The following WDR25 variants were observed in gnomAD, a reference collection of about 807,000 sequenced individuals.
The protein encoded by WDR25 is WD repeat-containing protein 25.
Under a neutral mutation model 47.7 loss-of-function variants are expected in WDR25, and 35 were observed. The ratio of observed to expected loss-of-function variants is 0.73; its 90% confidence interval spans 0.56 to 0.97. The LOEUF (loss-of-function observed/expected upper bound fraction) is 0.97. Ranked by LOEUF, WDR25 falls within the 50% of genes least tolerant of loss-of-function variation. WDR25 has a pLI of 0.00. For synonymous variants in WDR25, 248 were observed against 278.9 expected (o/e 0.89, Z 1.10); for missense variants, 634 against 704.7 (o/e 0.90, Z 1.14).
intron 2 of WDR25, among the ~76,000 whole-genome samples, chr14:100,457,431 A>G (rs1474601630): frequency 6.6e-6 from 1 of 152,254 alleles, no homozygotes; most frequent in African/African-American, 2.4e-5. Context: ...AGCCAAAACC[A>G]AAACCACTGT....
At position 100,525,983 on chromosome 14, in the gene WDR25, C is replaced by T. The variant is rs1002874988; in HGVS notation, c.1215C>T (p.Arg405=). Residue 405 remains arginine, a synonymous_variant, in exon 5 of 7, where the codon CGC becomes CGT. Coordinates refer to ENST00000402312, the MANE Select transcript of WDR25 (RefSeq NM_001161476.3). The surrounding 1 kb of genome is among the most constrained non-coding windows in gnomAD (Gnocchi z 4.6). The stretch of plus-strand genomic sequence containing the variant: ...CTTCCACCCGGGACTCAGCTGACCG[C>T]ACCATTATTGCCTGGGATTTCCGGA... ...TDASTRDSAD[R]TIIAWDFRTS... is the part of the protein sequence containing the mutation. The T allele has an allele frequency of 1.2e-6, 2 of 1,613,972 alleles. No homozygotes were observed. Among genetic ancestry groups the T allele is most frequent in the Admixed American group, 1.7e-5 (1 of 59,996 alleles).
chr14:100,491,772 G>C (rs1211622307), intron 4 of WDR25, among the ~76,000 whole-genome samples: 1 of 152,256 alleles, frequency 6.6e-6, no homozygotes, highest in Non-Finnish European at 1.5e-5. Flanking sequence ...GCCATGTGCA[G>C]CTCCGTGCCT....
rs191528634 is a variant in WDR25, at chr14:100,379,987, C to G, written c.-15-923C>G. Among the ~76,000 whole-genome samples, 105 of 147,448 alleles carry G rather than the reference C, an allele frequency of 7.1e-4. 1 individual carries two copies. The highest frequency in any genetic ancestry group is 4.3e-3 in the Middle Eastern group (1 of 234). ...GAGCTCCTGACCTTGTGATTCCCCC[C>G]GCCTTGGCCTCCCAAAGTGCTGGGA... On this transcript the variant is annotated intron_variant, in intron 1 of 6. Coordinates refer to ENST00000402312, the MANE Select transcript of WDR25 (RefSeq NM_001161476.3).
intron 2 of WDR25, among the ~76,000 whole-genome samples, chr14:100,383,011 T>C (rs186552834): frequency 9.9e-4 from 151 of 152,368 alleles, no homozygotes; most frequent in African/African-American, 3.5e-3. Flanking sequence ...CCTACATCTT[T>C]TCTCTTGCAA....
chr14:100,445,575 A>T (rs950661818), intron 2 of WDR25, among the ~76,000 whole-genome samples: 1 of 152,200 alleles, frequency 6.6e-6, no homozygotes, highest in Non-Finnish European at 1.5e-5. Context: ...TGCTGCAGCC[A>T]TGTGACTCAG....
At chr14:100,448,635 T>A (rs1248368880) in intron 2 of WDR25, among the ~76,000 whole-genome samples, 1 of 152,116 alleles carries the variant, frequency 6.6e-6, no homozygotes, top group Non-Finnish European at 1.5e-5. Flanking sequence ...CGTAAACACC[T>A]GGCAATGTGG....
chr14:100,490,838 T>TGAGATTTTGATTAC lies in WDR25; in HGVS notation c.1101+6715_1101+6728dup, dbSNP rs550096918. On this transcript the variant is annotated intron_variant, in intron 4 of 6. Coordinates refer to ENST00000402312, the MANE Select transcript of WDR25 (RefSeq NM_001161476.3). ...TAGGCAAGTTGCTTATTTGCCTTAA[T>TGAGATTTTGATTAC]GAGATTTTGATTACTCTCCATTTGT... Among the ~76,000 whole-genome samples the TGAGATTTTGATTAC allele has an allele frequency of 1.1e-3, 172 of 152,358 alleles. 1 individual carries two copies. The East Asian group carries it at 0.016, about 14-fold the overall frequency.
intron 2 of WDR25, among the ~76,000 whole-genome samples, chr14:100,383,967 C>T (rs80138296): frequency 0.039 from 5,988 of 152,274 alleles, 317 homozygotes; most frequent in African/African-American, 0.12. Flanking sequence ...GACCTGGGTC[C>T]GGGTCTGTGG....
At chr14:100,433,663 T>C (rs950568235) in intron 2 of WDR25, among the ~76,000 whole-genome samples, 5 of 151,568 alleles carry the variant, frequency 3.3e-5, no homozygotes, top group Admixed American at 2.0e-4. Flanking sequence ...GAGTTTTCAT[T>C]CCCCCCCCAT....
chr14:100,485,698 C>G (rs1193592362), intron 4 of WDR25, among the ~76,000 whole-genome samples: 1 of 152,198 alleles, frequency 6.6e-6, no homozygotes, highest in Non-Finnish European at 1.5e-5. Context: ...TGAGTAGAGG[C>G]TGTCCATGTG....
At chr14:100,481,713 C>T (rs1900210805) in intron 3 of WDR25, among the ~76,000 whole-genome samples, 1 of 152,128 alleles carries the variant, frequency 6.6e-6, no homozygotes, top group African/African-American at 2.4e-5. Flanking sequence ...AAAACCACTC[C>T]TTGGTCATTG....
chr14:100,495,604 T>G (rs181640511), intron 4 of WDR25, among the ~76,000 whole-genome samples: 1 of 152,188 alleles, frequency 6.6e-6, no homozygotes, highest in Non-Finnish European at 1.5e-5. Context: ...CTGGTTCCTG[T>G]GGAAATTTCT....
Position 100,383,852 on chromosome 14 carries a change from C to A in WDR25, c.822+2106C>A, listed in dbSNP as rs138933366. Among the ~76,000 whole-genome samples the A allele has an allele frequency of 1.0e-3, 153 of 152,340 alleles. 1 individual carries two copies. The highest frequency in any genetic ancestry group is 3.5e-3 in the African/African-American group (147 of 41,584). On this transcript the variant is annotated intron_variant, in intron 2 of 6. Coordinates refer to ENST00000402312, the MANE Select transcript of WDR25 (RefSeq NM_001161476.3). ...TGTGAGCAGCCAACTAACTGTGACA[C>A]CTCATGACCAGAAGAGGGCGCAGTG...
intron 2 of WDR25, among the ~76,000 whole-genome samples, chr14:100,401,211 C>T (rs964038800): frequency 1.3e-5 from 2 of 152,196 alleles, no homozygotes; most frequent in Non-Finnish European, 2.9e-5. Context: ...AGACCTCCCC[C>T]TCCCCGTGGC....
At position 100,402,048 on chromosome 14, in the gene WDR25, A is replaced by G. The variant is rs546641727; in HGVS notation, c.822+20302A>G. Among the ~76,000 whole-genome samples, 5 of 152,338 alleles carry G rather than the reference A, an allele frequency of 3.3e-5. No homozygotes were observed. In the South Asian group the frequency reaches 1.0e-3, roughly 32 times the overall value. ...AAACCCAGTTATTACTGCTACTCCCATGAATGCCCATAATGGCACAGGAGG... is the reference window on the plus strand; with the variant it reads ...AAACCCAGTTATTACTGCTACTCCCGTGAATGCCCATAATGGCACAGGAGG... On this transcript the variant is annotated intron_variant, in intron 2 of 6. Transcript: ENST00000402312.
chr14:100,512,268 T>G (rs1311597093), intron 4 of WDR25, among the ~76,000 whole-genome samples: 4 of 152,300 alleles, frequency 2.6e-5, no homozygotes, highest in African/African-American at 9.6e-5. Flanking sequence ...TTAAATAAAA[T>G]CTACTTAGTA....
chr14:100,478,490 T>C (rs1347763913), intron 3 of WDR25, among the ~76,000 whole-genome samples: 1 of 152,228 alleles, frequency 6.6e-6, no homozygotes, highest in East Asian at 1.9e-4. Context: ...TGAGAACTTC[T>C]TAGTTAGCGA....
chr14:100,418,871 T>G (rs1595519849), intron 2 of WDR25, among the ~76,000 whole-genome samples: 1 of 151,214 alleles, frequency 6.6e-6, no homozygotes, highest in East Asian at 1.9e-4. Context: ...ACAATTCCTG[T>G]GACTCCCATT....
At chr14:100,408,665 T>G (rs771039406) in intron 2 of WDR25, among the ~76,000 whole-genome samples, 15 of 152,224 alleles carry the variant, frequency 9.9e-5, no homozygotes, top group Non-Finnish European at 1.9e-4. Context: ...TCATCAGACC[T>G]TCTCCAAAGA....
Sources: gnomAD v4.1 joint callset for allele counts (sites outside exome capture counted in the v4.1 genomes callset) on GRCh38, gnomAD v4.1.1 for gene constraint, Gnocchi (gnomAD v3.1) non-coding constraint, MANE v1.5 for transcripts, NCBI Gene and HGNC (gene_info 2026-07-23, HGNC 2026-07-21) for gene names.